Variants in DNAH11 observed in about 807,000 individuals in gnomAD.
DNAH11 encodes the protein dynein axonemal heavy chain 11.
In DNAH11, 442 loss-of-function variants were observed where a neutral mutation model predicts 526.0. That is an observed-to-expected ratio of 0.84 (90% CI 0.78 to 0.91). The LOEUF (loss-of-function observed/expected upper bound fraction) is 0.91. DNAH11 is among the 40% of genes least tolerant of loss of function. The probability of loss-of-function intolerance (pLI) is 0.00; values close to 1 mark genes in which losing one functional copy is unlikely to be tolerated. For missense variants in DNAH11, 6,989 were observed against 5,448.7 expected (o/e 1.28, Z -8.90); for synonymous variants, 2,461 against 1,935.9 (o/e 1.27, Z -7.12).
Position 21,873,306 on chromosome 7 carries a change from C to T in DNAH11, c.12000C>T (p.Thr4000=). The stretch of plus-strand genomic sequence containing the variant: ...ATTTGGTAGCCAAGTGGCTAGGAAC[C>T]TTGGAGAAGCTCCTTGAAAGATTCA... ...NVHLVAKWLG[T]LEKLLERFSQ... The change falls in exon 74 of 82, where the codon ACC becomes ACT. Residue 4000 remains threonine (T), a synonymous_variant. Transcript: ENST00000409508. The T allele has an allele frequency of 6.2e-7, 1 of 1,604,070 alleles. No homozygotes were observed. Among genetic ancestry groups the T allele is most frequent in the Non-Finnish European group, 8.5e-7 (1 of 1,174,908 alleles).
chr7:21,801,201 G>A lies in DNAH11; in HGVS notation c.10091G>A (p.Arg3364Gln), dbSNP rs369682703. The A allele has an allele frequency of 1.5e-5, 25 of 1,613,370 alleles. No homozygotes were observed. The African/African-American group carries it at 1.9e-4, about 12-fold the overall frequency. The change falls in exon 62 of 82, where the codon CGG becomes CAG. Residue 3364 changes from arginine (R) to glutamine (Q), a missense_variant. Transcript: ENST00000409508. ...SFEKATAEKV[R>Q]CQEEVNQTNK... is the part of the protein sequence containing the mutation. Reference sequence around the variant, plus strand: ...GAAAAAGCAACAGCTGAGAAAGTCCGGTGTCAAGAAGAGGTGAACCAAACC... The same window carrying A: ...GAAAAAGCAACAGCTGAGAAAGTCCAGTGTCAAGAAGAGGTGAACCAAACC...
intron 67 of DNAH11, among the ~76,000 whole-genome samples, chr7:21,853,172 T>C (rs897328179): frequency 8.5e-5 from 13 of 152,242 alleles, no homozygotes; most frequent in African/African-American, 3.1e-4. Context: ...TTCCTGCTAA[T>C]GTCCAACATG....
Position 21,766,801 on chromosome 7 carries a change from T to G in DNAH11, c.9102+1212T>G, listed in dbSNP as rs1448189960. Reference sequence around the variant, plus strand: ...TTTGTGGAGGGAGACCTCTTCTCCTTTAGTCTTTTCCTGAAATGTTTATTA... The same window carrying G: ...TTTGTGGAGGGAGACCTCTTCTCCTGTAGTCTTTTCCTGAAATGTTTATTA... On this transcript the variant is annotated intron_variant, in intron 55 of 81. Transcript: ENST00000409508. Among the ~76,000 whole-genome samples, 3 of 152,226 alleles carry G rather than the reference T, an allele frequency of 2.0e-5. No individual in the cohort carries two copies. In the East Asian group the frequency reaches 5.8e-4, roughly 29 times the overall value.
rs760682637 is a variant in DNAH11, at chr7:21,738,871, G to C, written c.7811+5G>C. 1 of 1,584,304 alleles carries C rather than the reference G, an allele frequency of 6.3e-7. No individual in the cohort carries two copies. Among genetic ancestry groups the C allele is most frequent in the Admixed American group, 1.8e-5 (1 of 55,100 alleles). ...GCATATTGATTATGGACATTGGTAA[G>C]CAAGTCTCTGTAGTTTACTCTCTCC... On this transcript the variant is annotated splice_donor_5th_base_variant and intron_variant, in intron 47 of 81. Transcript: ENST00000409508.
intron 8 of DNAH11, among the ~76,000 whole-genome samples, chr7:21,576,298 G>C (rs766627820): frequency 9.9e-5 from 15 of 152,176 alleles, no homozygotes; most frequent in Non-Finnish European, 1.9e-4. Context: ...AAAGGCCTCA[G>C]CAAGCACGGC....
chr7:21,800,185 C>T (rs575187664), intron 61 of DNAH11, among the ~76,000 whole-genome samples: 1 of 152,336 alleles, frequency 6.6e-6, no homozygotes, highest in East Asian at 1.9e-4. Flanking sequence ...TCGTCCTTCT[C>T]TCTTTCTCCA....
intron 8 of DNAH11, among the ~76,000 whole-genome samples, chr7:21,572,372 G>A (rs1474114734): frequency 6.6e-6 from 1 of 152,124 alleles, no homozygotes; most frequent in Non-Finnish European, 1.5e-5. Flanking sequence ...GTCATTAAGT[G>A]TATCATTTAC....
At chr7:21,854,169 G>C (rs1782743176) in intron 67 of DNAH11, 146 bp from the exon 68 acceptor site, 3 of 749,898 alleles carry the variant, frequency 4.0e-6, no homozygotes, top group Non-Finnish European at 6.1e-6. Context: ...AATCATTTTA[G>C]AAAAGCTCGA....
At chr7:21,873,703 T>C (rs1469840776) in intron 74 of DNAH11, among the ~76,000 whole-genome samples, 1 of 151,524 alleles carries the variant, frequency 6.6e-6, no homozygotes, top group East Asian at 1.9e-4. Flanking sequence ...CCAGTAAATA[T>C]ATTTCAGTCT....
chr7:21,899,136 G>A (rs1356382581), intron 79 of DNAH11, among the ~76,000 whole-genome samples, 200 bp from the exon 80 acceptor site: 1 of 152,180 alleles, frequency 6.6e-6, no homozygotes, highest in South Asian at 2.1e-4. Context: ...AAACGCTACA[G>A]TCATCAAGTC....
In DNAH11 at chr7:21,659,586, A is replaced by G. The variant is rs201424770; in HGVS notation, c.5328+555A>G. Among the ~76,000 whole-genome samples, 20 of 152,220 alleles carry G rather than the reference A, an allele frequency of 1.3e-4. No individual in the cohort carries two copies. The East Asian group carries it at 3.3e-3, about 25-fold the overall frequency. On this transcript the variant is annotated intron_variant, in intron 30 of 81. Coordinates refer to ENST00000409508, the MANE Select transcript of DNAH11 (RefSeq NM_001277115.2). The stretch of plus-strand genomic sequence containing the variant: ...AGATGTAGTCTTTCTTTGGTCTTAT[A>G]GAATCAGAGTATATTAGGCTTGAAA...
At chr7:21,787,236 C>A (rs1033177760) in intron 59 of DNAH11, among the ~76,000 whole-genome samples, 165 bp from the exon 60 acceptor site, 1 of 152,192 alleles carries the variant, frequency 6.6e-6, no homozygotes, top group African/African-American at 2.4e-5. Context: ...ATTGCTAATT[C>A]TGACTTCGTA....
chr7:21,729,041 C>G (rs1301353882), intron 45 of DNAH11, among the ~76,000 whole-genome samples: 1 of 152,196 alleles, frequency 6.6e-6, no homozygotes, highest in Non-Finnish European at 1.5e-5. Flanking sequence ...GACCCCATCC[C>G]CTGAAAGTGA....
At chr7:21,707,965 A>C (rs780900310) in intron 40 of DNAH11, 130 bp downstream of exon 40, 60 of 883,844 alleles carry the variant, frequency 6.8e-5, no homozygotes, top group Non-Finnish European at 9.7e-5. Flanking sequence ...AATATAGCAG[A>C]TCACAACAGC....
chr7:21,866,335 A>G lies in DNAH11; in HGVS notation c.11497-135A>G, dbSNP rs1008027951. ...CTCAGCAGAGCAAAAAAAAAAAAAAAGGAAATCTGAAGAGGAGAGTGAATA... is the reference window on the plus strand; with the variant it reads ...CTCAGCAGAGCAAAAAAAAAAAAAAGGGAAATCTGAAGAGGAGAGTGAATA... On this transcript the variant is annotated intron_variant, in intron 70 of 81. Coordinates refer to ENST00000409508, the MANE Select transcript of DNAH11 (RefSeq NM_001277115.2). 4 of 702,580 alleles carry G rather than the reference A, an allele frequency of 5.7e-6. No homozygotes were observed. The South Asian group carries it at 1.7e-4, about 29-fold the overall frequency. 43.5% of individuals were successfully genotyped at this position (702,580 alleles called of 1,614,324 possible).
chr7:21,764,404 T>A (rs1034287571), intron 54 of DNAH11, among the ~76,000 whole-genome samples: 2 of 152,164 alleles, frequency 1.3e-5, no homozygotes, highest in African/African-American at 4.8e-5. Context: ...CTCAAAGTGT[T>A]AGAGACTTAG....
chr7:21,764,359 C>T (rs1471807895), intron 54 of DNAH11, among the ~76,000 whole-genome samples: 1 of 152,052 alleles, frequency 6.6e-6, no homozygotes, highest in Non-Finnish European at 1.5e-5. Flanking sequence ...AAAAAAATCA[C>T]ATCCTTTGAA....
At chr7:21,753,514 C>T (rs914905784) in intron 54 of DNAH11, among the ~76,000 whole-genome samples, 1 of 152,160 alleles carries the variant, frequency 6.6e-6, no homozygotes, top group Non-Finnish European at 1.5e-5. Flanking sequence ...TTATTAAATA[C>T]GGTAAAGTGT....
At chr7:21,678,685 C>A (rs1783009541) in intron 30 of DNAH11, among the ~76,000 whole-genome samples, 1 of 151,942 alleles carries the variant, frequency 6.6e-6, no homozygotes, top group Admixed American at 6.6e-5. Context: ...TATTCTAATC[C>A]AAGGGCATAG....
Sources: allele counts gnomAD v4.1 joint callset (sites outside exome capture counted in the v4.1 genomes callset), GRCh38; gene constraint gnomAD v4.1.1; transcripts MANE v1.5; gene names NCBI Gene and HGNC (gene_info 2026-07-23, HGNC 2026-07-21).